The following ZFAND3 variants were observed in gnomAD, a reference collection of about 807,000 sequenced individuals.
ZFAND3 encodes AN1-type zinc finger protein 3.
A neutral mutation model predicts 29.6 loss-of-function variants in ZFAND3; 10 were observed. The ratio of observed to expected loss-of-function variants is 0.34; its 90% CI spans 0.21 to 0.57. ZFAND3 has a LOEUF of 0.57. ZFAND3 is among the 20% of genes least tolerant of loss of function. The probability of loss-of-function intolerance (pLI) is 0.86; values close to 1 mark genes in which losing one functional copy is unlikely to be tolerated. For missense variants in ZFAND3, 230 were observed against 304.5 expected, an observed-to-expected ratio of 0.76 and a Z score of 1.82; for synonymous variants, 128 against 112.6, an observed-to-expected ratio of 1.14 and a Z score of -0.87.
intron 5 of ZFAND3, among the ~76,000 whole-genome samples, chr6:38,118,785 A>G (rs1278328623): frequency 6.6e-6 from 1 of 151,322 alleles, no homozygotes; most frequent in Non-Finnish European, 1.5e-5. Context: ...AAACAGTAAT[A>G]TATGTTAGAT....
At chr6:38,028,436 T>G (rs1347519934) in intron 2 of ZFAND3, among the ~76,000 whole-genome samples, 3 of 152,230 alleles carry the variant, frequency 2.0e-5, no homozygotes, top group Non-Finnish European at 4.4e-5. Flanking sequence ...ATTATCTTTT[T>G]TTTTTTAAGT....
chr6:37,943,401 T>C (rs764068474), intron 2 of ZFAND3, among the ~76,000 whole-genome samples: 19 of 152,180 alleles, frequency 1.2e-4, no homozygotes, highest in Admixed American at 6.5e-5. Context: ...GTCCAGGAGA[T>C]TGAATTTTGT....
intron 2 of ZFAND3, among the ~76,000 whole-genome samples, chr6:37,962,085 G>C (rs1030729969): frequency 1.3e-5 from 2 of 152,162 alleles, no homozygotes; most frequent in Admixed American, 1.3e-4. Context: ...CAAAACATCT[G>C]TTTTGAGGAA....
At chr6:37,966,877 T>G (rs951191503) in intron 2 of ZFAND3, among the ~76,000 whole-genome samples, 1 of 152,210 alleles carries the variant, frequency 6.6e-6, no homozygotes, top group African/African-American at 2.4e-5. Context: ...TTCATGAACT[T>G]GGCACTTTTG....
intron 2 of ZFAND3, among the ~76,000 whole-genome samples, chr6:37,983,751 G>T (rs1762619858): frequency 1.4e-5 from 2 of 145,626 alleles, no homozygotes; most frequent in East Asian, 2.1e-4. Context: ...TTTTATAATT[G>T]CCCACAGTAT....
intron 2 of ZFAND3, among the ~76,000 whole-genome samples, chr6:37,979,342 A>G (rs543904756): frequency 1.5e-4 from 23 of 152,026 alleles, no homozygotes; most frequent in African/African-American, 5.5e-4. Context: ...TGTGTATTTG[A>G]TTATCTGTGT....
intron 3 of ZFAND3, among the ~76,000 whole-genome samples, chr6:38,073,711 G>A (rs549688625): frequency 6.6e-6 from 1 of 152,304 alleles, no homozygotes; most frequent in South Asian, 2.1e-4. Context: ...ACATTTTGAA[G>A]TATCAGTGGT....
intron 2 of ZFAND3, among the ~76,000 whole-genome samples, chr6:38,046,085 C>T (rs772306473): frequency 3.5e-4 from 54 of 152,178 alleles, no homozygotes; most frequent in Non-Finnish European, 5.9e-4. Flanking sequence ...GTGATGATGA[C>T]TGAACTATAT....
chr6:37,842,684 G>A (rs192152427), intron 1 of ZFAND3, among the ~76,000 whole-genome samples: 14 of 152,112 alleles, frequency 9.2e-5, no homozygotes, highest in Admixed American at 9.2e-4. Context: ...AATTTACTTA[G>A]ATAACTTTAT....
chr6:37,879,660 G>C (rs1468391558), intron 1 of ZFAND3, among the ~76,000 whole-genome samples: 44 of 152,054 alleles, frequency 2.9e-4, no homozygotes, highest in Admixed American at 2.9e-3. Flanking sequence ...CAAGTAACTG[G>C]GATGAATGAG....
chr6:37,873,084 CCTT>C (rs923749105), intron 1 of ZFAND3, among the ~76,000 whole-genome samples: 3 of 151,976 alleles, frequency 2.0e-5, no homozygotes, highest in African/African-American at 7.3e-5. Flanking sequence ...CGGTGAAACA[CCTT>C]CTCTACTTAA....
chr6:37,823,249 T>G (rs1485882642), intron 1 of ZFAND3, among the ~76,000 whole-genome samples: 1 of 152,166 alleles, frequency 6.6e-6, no homozygotes, highest in East Asian at 1.9e-4. Flanking sequence ...TGAAAGCCAT[T>G]CAGGAGGTAT....
At chr6:37,837,597 C>T (rs1034745129) in intron 1 of ZFAND3, among the ~76,000 whole-genome samples, 8 of 151,876 alleles carry the variant, frequency 5.3e-5, no homozygotes, top group African/African-American at 1.9e-4. Flanking sequence ...CTCTGCCTCC[C>T]AGGTTGAAGC....
At chr6:38,091,691 CT>C (rs34406765) in intron 4 of ZFAND3, among the ~76,000 whole-genome samples, 2,401 of 129,750 alleles carry the variant, frequency 0.019, 47 homozygotes, top group African/African-American at 0.048. Context: ...ATTAAGGAGC[CT>C]TTTTTTTTTT....
intron 4 of ZFAND3, among the ~76,000 whole-genome samples, chr6:38,114,465 T>A (rs953852564): frequency 2.4e-4 from 37 of 152,390 alleles, no homozygotes; most frequent in African/African-American, 8.7e-4. Flanking sequence ...GGAAATAGGC[T>A]GAACTTGCCT....
chr6:38,049,022 A>T (rs1763966350), intron 2 of ZFAND3, among the ~76,000 whole-genome samples: 1 of 152,084 alleles, frequency 6.6e-6, no homozygotes, highest in Non-Finnish European at 1.5e-5. Context: ...TTTTTTTTAC[A>T]TTTGAAATCA....
At chr6:37,962,849 G>A (rs186321655) in intron 2 of ZFAND3, among the ~76,000 whole-genome samples, 4 of 152,270 alleles carry the variant, frequency 2.6e-5, no homozygotes, top group Admixed American at 6.5e-5. Context: ...CTTTGGGTCC[G>A]CACTGCCTTT....
intron 1 of ZFAND3, among the ~76,000 whole-genome samples, chr6:37,835,205 G>T (rs1763944226): frequency 6.6e-6 from 1 of 152,112 alleles, no homozygotes; most frequent in Non-Finnish European, 1.5e-5. Context: ...TCTCTCCCAG[G>T]CTGGGGTGCG....
At chr6:38,111,406 T>C (rs1000902409) in intron 4 of ZFAND3, among the ~76,000 whole-genome samples, 1 of 152,238 alleles carries the variant, frequency 6.6e-6, no homozygotes, top group Non-Finnish European at 1.5e-5. Context: ...GGATTATAAG[T>C]AATCTAGAGA....
Sources: gnomAD v4.1 joint callset for allele counts (sites outside exome capture counted in the v4.1 genomes callset) on GRCh38, gnomAD v4.1.1 for gene constraint, MANE v1.5 for transcripts, NCBI Gene and HGNC (gene_info 2026-07-23, HGNC 2026-07-21) for gene names.